Variants in ADAMTS6 observed in about 807,000 individuals in gnomAD.
The protein encoded by ADAMTS6 is ADAM metallopeptidase with thrombospondin type 1 motif 6, also known as A disintegrin and metalloproteinase with thrombospondin motifs 6.
ADAMTS6 carries 23 observed loss-of-function variants against 144.3 expected under a neutral mutation model. That is an observed-to-expected ratio of 0.16 (90% CI 0.11 to 0.23). The LOEUF (loss-of-function observed/expected upper bound fraction) is 0.23, where lower values mean the gene tolerates loss of function less well. ADAMTS6 is among the 10% of genes least tolerant of loss of function. The pLI is 1.00. For missense variants in ADAMTS6, 999 were observed against 1,379.6 expected (o/e 0.72, Z 4.37); for synonymous variants, 444 against 457.5 (o/e 0.97, Z 0.38).
Position 65,451,471 on chromosome 5 carries a change from A to G in ADAMTS6, c.1073+4T>C. On this transcript the variant is annotated splice_donor_region_variant and intron_variant, in intron 7 of 24. Transcript: ENST00000381055. ...AATGGAAAAATACTTGCAACAAACC[A>G]TACCTAGTAATAAGAACTGCATTAT... The G allele has an allele frequency of 6.2e-7, 1 of 1,613,076 alleles. No homozygotes were observed. Among genetic ancestry groups the G allele is most frequent in the Non-Finnish European group, 8.5e-7 (1 of 1,179,686 alleles).
intron 3 of ADAMTS6, among the ~76,000 whole-genome samples, chr5:65,461,596 T>A (rs1030172210): frequency 6.6e-6 from 1 of 152,168 alleles, no homozygotes; most frequent in Non-Finnish European, 1.5e-5. Flanking sequence ...ACTCTCTGGG[T>A]GTATTTCCTC....
chr5:65,300,295 G>A (rs779553658), intron 9 of ADAMTS6, among the ~76,000 whole-genome samples, 164 bp from the exon 10 acceptor site: 2 of 152,146 alleles, frequency 1.3e-5, no homozygotes, highest in Non-Finnish European at 1.5e-5. Context: ...AAGAGACTAA[G>A]GAATAAGGAA....
chr5:65,453,008 T>G, intron 4 of ADAMTS6, 90 bp from the exon 5 acceptor site: 1 of 961,672 alleles, frequency 1.0e-6, no homozygotes, highest in Non-Finnish European at 1.5e-6. Context: ...TCACAAATTC[T>G]CTAATATATT....
chr5:65,390,751 A>G (rs1580578090), intron 7 of ADAMTS6, among the ~76,000 whole-genome samples: 1 of 152,170 alleles, frequency 6.6e-6, no homozygotes, highest in South Asian at 2.1e-4. Context: ...ATCTTTGGTT[A>G]TATCAGTTGA....
chr5:65,364,905 T>C (rs1750165552), intron 7 of ADAMTS6, among the ~76,000 whole-genome samples: 1 of 152,112 alleles, frequency 6.6e-6, no homozygotes, highest in Non-Finnish European at 1.5e-5. Flanking sequence ...ATTATAGATA[T>C]GATGCTCAAA....
At chr5:65,304,535 C>T (rs1337015279) in intron 9 of ADAMTS6, among the ~76,000 whole-genome samples, 11 of 152,142 alleles carry the variant, frequency 7.2e-5, no homozygotes, top group Admixed American at 3.9e-4. Flanking sequence ...TGTGCTCAAG[C>T]AGTCCTCCCA....
chr5:65,201,945 C>A (rs1755765999), intron 20 of ADAMTS6, among the ~76,000 whole-genome samples: 1 of 152,140 alleles, frequency 6.6e-6, no homozygotes, highest in East Asian at 1.9e-4. Context: ...AGATAGCATC[C>A]AAAGAGTGAC....
intron 7 of ADAMTS6, among the ~76,000 whole-genome samples, chr5:65,410,758 A>T (rs10054215): frequency 0.29 from 44,595 of 152,002 alleles, 7,513 homozygotes; most frequent in South Asian, 0.38. Context: ...TCTACATATA[A>T]GTGAGATCAT....
chr5:65,259,964 C>T (rs867575806), intron 14 of ADAMTS6, among the ~76,000 whole-genome samples: 2 of 152,114 alleles, frequency 1.3e-5, no homozygotes, highest in Middle Eastern at 3.2e-3. Flanking sequence ...TGTCAATCCA[C>T]TTTGAGGCTC....
chr5:65,469,009 A>G (rs1017223937), intron 3 of ADAMTS6, among the ~76,000 whole-genome samples: 2 of 152,204 alleles, frequency 1.3e-5, no homozygotes, highest in African/African-American at 4.8e-5. Context: ...TTCTCAACTC[A>G]TAACATTCAT....
intron 9 of ADAMTS6, among the ~76,000 whole-genome samples, chr5:65,314,090 G>T (rs967274261): frequency 1.3e-5 from 2 of 152,062 alleles, no homozygotes; most frequent in Non-Finnish European, 2.9e-5. Flanking sequence ...AAATAACTAT[G>T]ATTAATATGT....
intron 20 of ADAMTS6, among the ~76,000 whole-genome samples, 192 bp from the exon 21 acceptor site, chr5:65,197,343 C>T (rs1390335397): frequency 6.6e-6 from 1 of 152,148 alleles, no homozygotes; most frequent in Non-Finnish European, 1.5e-5. Flanking sequence ...AGTTATTTTT[C>T]TCATATTTAG....
chr5:65,184,387 G>A (rs1473327894), intron 22 of ADAMTS6, among the ~76,000 whole-genome samples: 2 of 152,122 alleles, frequency 1.3e-5, no homozygotes, highest in African/African-American at 4.8e-5. Flanking sequence ...GCAAGGTGCT[G>A]ACACAATTGT....
intron 3 of ADAMTS6, among the ~76,000 whole-genome samples, chr5:65,465,667 T>A (rs1759941814): frequency 6.6e-6 from 1 of 152,226 alleles, no homozygotes; most frequent in Non-Finnish European, 1.5e-5. Context: ...CACCAATAAC[T>A]TCCTCAATGA....
intron 7 of ADAMTS6, among the ~76,000 whole-genome samples, chr5:65,365,639 T>G (rs1171944095): frequency 1.4e-5 from 2 of 141,450 alleles, no homozygotes; most frequent in African/African-American, 5.5e-5. Context: ...AGAGTGAGAC[T>G]CTGTTTCAAA....
Position 65,452,902 on chromosome 5 carries a change from G to C in ADAMTS6, c.648C>G (p.Gly216=), listed in dbSNP as rs1307980818. 1 of 1,613,210 alleles carries C rather than the reference G, an allele frequency of 6.2e-7. No homozygotes were observed. Among genetic ancestry groups the C allele is most frequent in the Non-Finnish European group, 8.5e-7 (1 of 1,179,624 alleles). ...HCGVSDFTRS[G]KPWWLNDTST... The stretch of plus-strand genomic sequence containing the variant: ...ATGTGTCATTCAGCCACCAAGGTTT[G>C]CCACTTCTTGTGAAATCTACAATAA... The change falls in exon 5 of 25, where the codon GGC becomes GGG. Residue 216 remains glycine (G), a synonymous_variant. Coordinates refer to ENST00000381055, the MANE Select transcript of ADAMTS6 (RefSeq NM_197941.4).
At chr5:65,402,432 A>G (rs1229841726) in intron 7 of ADAMTS6, among the ~76,000 whole-genome samples, 1 of 152,182 alleles carries the variant, frequency 6.6e-6, no homozygotes, top group Non-Finnish European at 1.5e-5. Flanking sequence ...CAACAATGCT[A>G]CTACATTTCA....
chr5:65,384,199 G>C lies in ADAMTS6; in HGVS notation c.1074-50114C>G, dbSNP rs534995926. The stretch of plus-strand genomic sequence containing the variant: ...ACGTTTGATGGGCCACACCCTTACT[G>C]TTCTCCCCCAAACATTTTTCATTCT... On this transcript the variant is annotated intron_variant, in intron 7 of 24. Transcript: ENST00000381055. 9.8e-5 allele frequency among the ~76,000 whole-genome samples: 15 copies of C among 152,294 alleles called. No individual in the cohort carries two copies. The South Asian group carries it at 3.1e-3, about 32-fold the overall frequency.
chr5:65,369,111 C>A (rs1216448810), intron 7 of ADAMTS6, among the ~76,000 whole-genome samples: 1 of 151,782 alleles, frequency 6.6e-6, no homozygotes, highest in Non-Finnish European at 1.5e-5. Context: ...TCCCAGCTAC[C>A]CCAGAGGCTG....
Sources: gnomAD v4.1 joint callset for allele counts (sites outside exome capture counted in the v4.1 genomes callset) on GRCh38, gnomAD v4.1.1 for gene constraint, MANE v1.5 for transcripts, NCBI Gene and HGNC (gene_info 2026-07-23, HGNC 2026-07-21) for gene names.